HLCS: variants seen among roughly 807,000 people sequenced by gnomAD.
HLCS encodes the protein biotin--protein ligase.
A neutral mutation model predicts 75.0 loss-of-function variants in HLCS; 53 were observed. The ratio of observed to expected loss-of-function variants is 0.71; its 90% CI spans 0.57 to 0.89. The LOEUF (loss-of-function observed/expected upper bound fraction) is 0.89. HLCS is among the 40% of genes least tolerant of loss of function. The pLI is 0.00. For synonymous variants in HLCS, 431 were observed against 428.6 expected (o/e 1.01, Z -0.07); for missense variants, 966 against 1,074.0 (o/e 0.90, Z 1.41).
intron 6 of HLCS, among the ~76,000 whole-genome samples, chr21:36,852,825 T>G (rs2063059811): frequency 6.6e-6 from 1 of 152,152 alleles, no homozygotes; most frequent in Non-Finnish European, 1.5e-5. Flanking sequence ...AGGACCCCGC[T>G]GAGGACATCA....
chr21:36,876,019 G>C (rs930311179), intron 6 of HLCS, among the ~76,000 whole-genome samples: 10 of 152,278 alleles, frequency 6.6e-5, no homozygotes, highest in African/African-American at 2.4e-4. Context: ...TCTAGCCTCA[G>C]CCTTGCACGG....
At chr21:36,957,789 C>T (rs1300268850) in intron 2 of HLCS, among the ~76,000 whole-genome samples, 1 of 150,572 alleles carries the variant, frequency 6.6e-6, no homozygotes, top group Non-Finnish European at 1.5e-5. Context: ...ATTACCTGGG[C>T]GTTGTGGCAC....
At chr21:36,779,301 TTCCTTCCTTCCC>T (rs1015917727) in intron 6 of HLCS, among the ~76,000 whole-genome samples, 6 of 151,286 alleles carry the variant, frequency 4.0e-5, no homozygotes, top group African/African-American at 1.5e-4. Flanking sequence ...CCCTCCCTCC[TTCCTTCCTTCCC>T]TCCTTCCTTC....
rs966817736 is a variant in HLCS, at chr21:36,914,604, T to C, written c.1620+15647A>G. ...TAGAACAGTAAAAGCAGGGAGTGAA[T>C]AAGTCATTTCTAATAAGGCTGGTTT... On this transcript the variant is annotated intron_variant, in intron 5 of 10. Coordinates refer to ENST00000674895, the MANE Select transcript of HLCS (RefSeq NM_001352514.2). Among the ~76,000 whole-genome samples, 7 of 152,066 alleles carry C rather than the reference T, an allele frequency of 4.6e-5. 1 individual carries two copies. Among genetic ancestry groups the C allele is most frequent in the African/African-American group, 4.8e-5 (2 of 41,414 alleles).
chr21:36,871,583 C>A (rs1006939205), intron 6 of HLCS, among the ~76,000 whole-genome samples: 4 of 152,004 alleles, frequency 2.6e-5, no homozygotes, highest in Non-Finnish European at 4.4e-5. Context: ...TTTTATTATA[C>A]CATAGCACTT....
At chr21:36,799,813 A>G (rs1449210886) in intron 6 of HLCS, among the ~76,000 whole-genome samples, 1 of 152,208 alleles carries the variant, frequency 6.6e-6, no homozygotes, top group Admixed American at 6.5e-5. Flanking sequence ...CCTACAAATC[A>G]GAGTCCCGAA....
At chr21:36,759,337 T>A (rs543233417) in intron 9 of HLCS, among the ~76,000 whole-genome samples, 1 of 152,252 alleles carries the variant, frequency 6.6e-6, no homozygotes, top group African/African-American at 2.4e-5. Flanking sequence ...AGCTCTTTCA[T>A]GGCCCAGGAA....
chr21:36,986,090 T>A (rs2069223719), intron 1 of HLCS, among the ~76,000 whole-genome samples: 1 of 152,090 alleles, frequency 6.6e-6, no homozygotes, highest in Non-Finnish European at 1.5e-5. Context: ...GAGAGGTGGG[T>A]GATTTGGTCA....
intron 5 of HLCS, among the ~76,000 whole-genome samples, chr21:36,921,462 T>TTTTAAA (rs1470267142): frequency 3.3e-5 from 5 of 152,152 alleles, no homozygotes; most frequent in Non-Finnish European, 4.4e-5. Context: ...GAAAAAAGAA[T>TTTTAAA]ATTCACTTTC....
intron 6 of HLCS, among the ~76,000 whole-genome samples, chr21:36,781,457 T>G (rs2060531643): frequency 1.3e-5 from 2 of 152,182 alleles, no homozygotes; most frequent in Non-Finnish European, 2.9e-5. Context: ...TGTGCATATT[T>G]CTTATGCACT....
At chr21:36,791,901 G>T (rs1281127793) in intron 6 of HLCS, among the ~76,000 whole-genome samples, 1 of 152,122 alleles carries the variant, frequency 6.6e-6, no homozygotes, top group African/African-American at 2.4e-5. Flanking sequence ...TTAGAATGGG[G>T]TTATCTTCTT....
At chr21:36,951,242 A>G (rs2067657216) in intron 2 of HLCS, among the ~76,000 whole-genome samples, 1 of 152,222 alleles carries the variant, frequency 6.6e-6, no homozygotes. Context: ...AATTTCCCAC[A>G]CAACATTCCA....
chr21:36,947,747 T>C (rs1284861882), intron 2 of HLCS: 3 of 985,060 alleles, frequency 3.0e-6, no homozygotes, highest in African/African-American at 3.5e-5. Context: ...AGTCCGGGAG[T>C]GAAAGACCCC....
intron 6 of HLCS, among the ~76,000 whole-genome samples, chr21:36,832,560 A>C (rs2062249880): frequency 6.6e-6 from 1 of 152,202 alleles, no homozygotes; most frequent in Non-Finnish European, 1.5e-5. Context: ...TTGCTCATTT[A>C]ATACTCACAA....
intron 6 of HLCS, among the ~76,000 whole-genome samples, chr21:36,791,572 G>A (rs1205453182): frequency 1.3e-5 from 2 of 152,150 alleles, no homozygotes; most frequent in South Asian, 2.1e-4. Flanking sequence ...TTTCTCTTAC[G>A]GTGTGGATTT....
At chr21:36,988,929 C>A (rs569609581) in intron 1 of HLCS, among the ~76,000 whole-genome samples, 2 of 152,228 alleles carry the variant, frequency 1.3e-5, no homozygotes, top group East Asian at 3.9e-4. Context: ...AACCCTTTAT[C>A]TGTGATAGAT....
At chr21:36,888,435 A>T in intron 6 of HLCS, among the ~76,000 whole-genome samples, 1 of 24,912 alleles carries the variant, frequency 4.0e-5, no homozygotes, top group African/African-American at 1.1e-4. Context: ...TCCCATTTAA[A>T]AAAAAAAAAA....
chr21:36,829,198 G>C (rs1366106679), intron 6 of HLCS, among the ~76,000 whole-genome samples: 1 of 152,128 alleles, frequency 6.6e-6, no homozygotes, highest in African/African-American at 2.4e-5. Flanking sequence ...ACTCCAAATA[G>C]CGTACTTCAC....
At chr21:36,768,213 T>C (rs1445022175) in intron 6 of HLCS, among the ~76,000 whole-genome samples, 4 of 152,196 alleles carry the variant, frequency 2.6e-5, no homozygotes, top group Non-Finnish European at 4.4e-5. Context: ...CTCTTTGATT[T>C]TTTTCTTTTC....
Sources: gnomAD v4.1 joint callset for allele counts (sites outside exome capture counted in the v4.1 genomes callset) on GRCh38, gnomAD v4.1.1 for gene constraint, MANE v1.5 for transcripts, NCBI Gene and HGNC (gene_info 2026-07-23, HGNC 2026-07-21) for gene names.